ZNF625: variants seen among roughly 807,000 people sequenced by gnomAD.
ZNF625 encodes zinc finger protein 625.
Under a neutral mutation model 11.1 loss-of-function variants are expected in ZNF625, and 8 were observed. The ratio of observed to expected loss-of-function variants is 0.72; its 90% CI spans 0.42 to 1.30. The LOEUF (loss-of-function observed/expected upper bound fraction) is 1.30. ZNF625 is among the 50% of genes most tolerant of loss of function. The pLI is 0.01. For missense variants in ZNF625, 349 were observed against 447.6 expected, an observed-to-expected ratio of 0.78 and a Z score of 1.99; for synonymous variants, 145 against 153.4, an observed-to-expected ratio of 0.95 and a Z score of 0.41.
intron 1 of ZNF625, among the ~76,000 whole-genome samples, chr19:12,154,025 T>C (rs1224310584): frequency 6.6e-6 from 1 of 151,968 alleles, no homozygotes; most frequent in Non-Finnish European, 1.5e-5. Context: ...GCCAGGATGG[T>C]CTCAATCTCC....
rs971426222 is a variant in ZNF625, at chr19:12,156,671, G to A, written c.-113C>T. On this transcript the variant is annotated 5_prime_UTR_variant, in exon 1 of 4. Transcript: ENST00000439556. ...TGGCGGAGGCACCTGGTCCCTCTCG[G>A]GGCCGGAAAACCGAGATCCCGACCT... is the stretch of plus-strand genomic sequence containing the variant. The A allele has an allele frequency of 5.3e-6, 6 of 1,122,384 alleles. No homozygotes were observed. Among genetic ancestry groups the A allele is most frequent in the Non-Finnish European group, 6.8e-6 (6 of 884,278 alleles). 69.5% of individuals were successfully genotyped at this position (1,122,384 alleles called of 1,614,324 possible). A position where few individuals can be genotyped will look rare whatever the true frequency, so the allele number is the denominator to read the frequency against.
intron 1 of ZNF625, among the ~76,000 whole-genome samples, chr19:12,151,377 A>AT (rs35302529): frequency 0.19 from 21,441 of 111,644 alleles, 3,169 homozygotes; most frequent in African/African-American, 0.39. Context: ...CACCTGGGTA[A>AT]TTTTTTTTTT....
intron 1 of ZNF625, among the ~76,000 whole-genome samples, chr19:12,149,808 T>G (rs1359361818): frequency 1.3e-5 from 2 of 152,020 alleles, no homozygotes; most frequent in African/African-American, 2.4e-5. Context: ...GGCGCGCTCT[T>G]GGCTCACTGC....
chr19:12,151,540 C>T (rs1249886118), intron 1 of ZNF625, among the ~76,000 whole-genome samples: 5 of 151,976 alleles, frequency 3.3e-5, no homozygotes, highest in South Asian at 2.1e-4. Context: ...CCACCACGCC[C>T]GGCTAATTTT....
chr19:12,149,769 C>T lies in ZNF625; in HGVS notation c.4-1967G>A, dbSNP rs368382640. 4.0e-5 allele frequency among the ~76,000 whole-genome samples: 6 copies of T among 150,782 alleles called. No homozygotes were observed. In the East Asian group the frequency reaches 7.8e-4, roughly 20 times the overall value. On this transcript the variant is annotated intron_variant, in intron 1 of 3. Coordinates refer to ENST00000439556, the MANE Select transcript of ZNF625 (RefSeq NM_145233.4). ...TTTTTTTTTTTTTCAGACGGAGTTTCGCTCTTGTTGCCCAGGCTGGAGTGC... is the reference window on the plus strand; with the variant it reads ...TTTTTTTTTTTTTCAGACGGAGTTTTGCTCTTGTTGCCCAGGCTGGAGTGC...
intron 1 of ZNF625, among the ~76,000 whole-genome samples, chr19:12,153,451 A>G (rs1976984517): frequency 6.6e-6 from 1 of 151,684 alleles, no homozygotes; most frequent in South Asian, 2.1e-4. Context: ...TTGGGAAGCC[A>G]AGGCGGGTGG....
intron 1 of ZNF625, among the ~76,000 whole-genome samples, chr19:12,148,886 T>A (rs1976915036): frequency 6.6e-6 from 1 of 151,794 alleles, no homozygotes; most frequent in Non-Finnish European, 1.5e-5. Context: ...CCTCCCAAAG[T>A]GTTGGGATTA....
chr19:12,151,962 G>C (rs1282909827), intron 1 of ZNF625, among the ~76,000 whole-genome samples: 1 of 151,876 alleles, frequency 6.6e-6, no homozygotes, highest in Non-Finnish European at 1.5e-5. Flanking sequence ...GAATATTTTT[G>C]GGTGGCACAT....
chr19:12,150,609 C>T (rs1976941395), intron 1 of ZNF625, among the ~76,000 whole-genome samples: 1 of 152,152 alleles, frequency 6.6e-6, no homozygotes, highest in Non-Finnish European at 1.5e-5. Flanking sequence ...GTTCTCATGA[C>T]CCACATCACA....
chr19:12,147,364 GA>G (rs751119252), intron 3 of ZNF625, 30 bp downstream of exon 3: 4 of 1,450,154 alleles, frequency 2.8e-6, no homozygotes, highest in Non-Finnish European at 3.7e-6. Flanking sequence ...TGTCTAGAGA[GA>G]CATCACTTTC....
intron 1 of ZNF625, among the ~76,000 whole-genome samples, chr19:12,151,377 AT>A (rs35302529): frequency 0.038 from 4,230 of 111,646 alleles, 77 homozygotes; most frequent in Admixed American, 0.095. Flanking sequence ...CACCTGGGTA[AT>A]TTTTTTTTTT....
At chr19:12,148,114 A>C (rs1976902901) in intron 1 of ZNF625, among the ~76,000 whole-genome samples, 1 of 151,922 alleles carries the variant, frequency 6.6e-6, no homozygotes, top group Admixed American at 6.6e-5. Context: ...CAAGTAGCTG[A>C]GATTATAGGC....
At position 12,153,349 on chromosome 19, in the gene ZNF625, CAAA is replaced by C. The variant is rs1260818004; in HGVS notation, c.3+3204_3+3206del. ...TGGGCGACAGAGTGAGACTCCATCT[CAAA>C]AAAAAAAAAAAAAAGAAAAGCCCTC... is the stretch of plus-strand genomic sequence containing the variant. On this transcript the variant is annotated intron_variant, in intron 1 of 3. Transcript: ENST00000439556. Among the ~76,000 whole-genome samples the C allele has an allele frequency of 1.0e-3, 62 of 61,458 alleles. 2 individuals carry two copies. The East Asian group carries it at 0.023, about 23-fold the overall frequency. 40.3% of individuals were successfully genotyped at this position (61,458 alleles called of 152,430 possible). A position where few individuals can be genotyped will look rare whatever the true frequency, so the allele number is the denominator to read the frequency against.
intron 3 of ZNF625, 137 bp downstream of exon 3, chr19:12,147,258 C>T (rs1976889986): frequency 2.6e-6 from 2 of 776,618 alleles, no homozygotes; most frequent in Non-Finnish European, 4.0e-6. Flanking sequence ...TGAGCCACCA[C>T]AGCCGGCCCT....
intron 1 of ZNF625, among the ~76,000 whole-genome samples, chr19:12,151,670 C>T (rs1735114456): frequency 2.0e-5 from 3 of 152,076 alleles, no homozygotes; most frequent in Middle Eastern, 3.4e-3. Flanking sequence ...TGAGCCACCG[C>T]GCCTGGCCAG....
intron 1 of ZNF625, among the ~76,000 whole-genome samples, chr19:12,153,434 C>T (rs561265386): frequency 5.9e-5 from 9 of 151,732 alleles, no homozygotes; most frequent in African/African-American, 2.2e-4. Flanking sequence ...GCCTGTAATC[C>T]GGCATTTTGG....
In ZNF625 at chr19:12,145,507, A is replaced by G. The variant is rs1180381657; in HGVS notation, c.909T>C (p.Tyr303=). 2.5e-6 allele frequency: 4 copies of G among 1,604,564 alleles called. No homozygotes were observed. Among genetic ancestry groups the G allele is most frequent in the East Asian group, 2.2e-5 (1 of 44,470 alleles). Residue 303 remains tyrosine, a synonymous_variant, in exon 4 of 4, where the codon TAT becomes TAC. Coordinates refer to ENST00000439556, the MANE Select transcript of ZNF625 (RefSeq NM_145233.4). The part of the protein sequence containing the change: ...HERTHTGEKP[Y]ECKQCGKAFR... ...AGGCTTTCCCACATTGCTTACATTC[A>G]TAGGGCTTCTCTCCAGTGTGAGTTC...
intron 1 of ZNF625, among the ~76,000 whole-genome samples, chr19:12,148,125 G>A (rs1372486386): frequency 2.0e-5 from 3 of 151,970 alleles, no homozygotes; most frequent in Admixed American, 6.6e-5. Context: ...GATTATAGGC[G>A]CCTGCCACCA....
At position 12,145,998 on chromosome 19, in the gene ZNF625, A is replaced by G; in HGVS notation, c.418T>C (p.Cys140Arg). 6.2e-7 allele frequency: 1 copy of G among 1,614,202 alleles called. No individual in the cohort carries two copies. The highest frequency in any genetic ancestry group is 2.2e-5 in the East Asian group (1 of 44,886). The change falls in exon 4 of 4, where the codon TGT (cysteine) becomes CGT (arginine). Residue 140 changes from cysteine to arginine, a missense_variant. By Grantham distance (180) the Cys-to-Arg change is radical. Coordinates refer to ENST00000439556, the MANE Select transcript of ZNF625 (RefSeq NM_145233.4). ...YGQKPYKCTY[C>R]KKAFSDLPYF... is the part of the protein sequence containing the mutation. ...GGGAGATCACTGAAGGCTTTCTTAC[A>G]GTATGTACATTTATATGGCTTCTGT...
Sources: gnomAD v4.1 joint callset for allele counts (sites outside exome capture counted in the v4.1 genomes callset) on GRCh38, gnomAD v4.1.1 for gene constraint, MANE v1.5 for transcripts, NCBI Gene and HGNC (gene_info 2026-07-23, HGNC 2026-07-21) for gene names.